The following ENOX2 variants were observed in gnomAD, a reference collection of about 807,000 sequenced individuals.
The protein encoded by ENOX2 is APK1 antigen.
ENOX2 carries 36 observed loss-of-function variants against 45.0 expected under a neutral mutation model. The observed-to-expected ratio is 0.80, with a 90% CI of 0.61 to 1.06. ENOX2 has a LOEUF of 1.06. ENOX2 is among the 50% of genes least tolerant of loss of function. ENOX2 has a pLI of 0.00. For missense variants in ENOX2, 423 were observed against 462.5 expected, an observed-to-expected ratio of 0.91 and a Z score of 0.78; for synonymous variants, 174 against 152.3, an observed-to-expected ratio of 1.14 and a Z score of -1.05.
chrX:130,742,955 T>C (rs1433725252), intron 3 of ENOX2, among the ~76,000 whole-genome samples: 1 of 112,409 alleles, frequency 8.9e-6, no homozygotes, highest in Non-Finnish European at 1.9e-5. Context: ...GAGCTGACTG[T>C]AGCTTTCCTG....
intron 2 of ENOX2, among the ~76,000 whole-genome samples, chrX:130,889,904 G>C (rs2078960469): frequency 8.9e-6 from 1 of 112,883 alleles, no homozygotes; most frequent in Non-Finnish European, 1.9e-5. Context: ...GTCCACCACA[G>C]CCTCACTGGC....
intron 2 of ENOX2, among the ~76,000 whole-genome samples, chrX:130,889,134 C>T (rs1007125372): frequency 1.8e-5 from 2 of 112,113 alleles, no homozygotes; most frequent in Non-Finnish European, 3.8e-5. Flanking sequence ...ACAATTTTAG[C>T]ACATGAAGTC....
At chrX:130,754,827 C>A (rs891358134) in intron 3 of ENOX2, among the ~76,000 whole-genome samples, 9 of 111,114 alleles carry the variant, frequency 8.1e-5, no homozygotes, top group African/African-American at 2.9e-4. Flanking sequence ...TCATTAGAGG[C>A]CCAAACCTCT....
In ENOX2 at chrX:130,679,660, G is replaced by T. The variant is rs1342583626; in HGVS notation, c.342C>A (p.Ile114=). 3 of 1,208,132 alleles carry T rather than the reference G, an allele frequency of 2.5e-6. No individual in the cohort carries two copies. The highest frequency in any genetic ancestry group is 3.4e-6 in the Non-Finnish European group (3 of 893,590). The change falls in exon 6 of 15, where the codon ATC becomes ATA. Residue 114 remains isoleucine (I), a synonymous_variant. Coordinates refer to ENST00000394363, the MANE Select transcript of ENOX2 (RefSeq NM_006375.4). ...GGLPENGTEQ[I]IVEVFEQCGE... ...CACACTGCTCGAAAACTTCCACAAT[G>T]ATTTGCTCTGTCCCATTTTCAGGCA...
At chrX:130,873,002 T>C (rs915366895) in intron 2 of ENOX2, among the ~76,000 whole-genome samples, 1 of 111,711 alleles carries the variant, frequency 9.0e-6, no homozygotes, top group Non-Finnish European at 1.9e-5. Context: ...ACTTCATGAA[T>C]AAAACACCAA....
At chrX:130,631,943 T>C (rs1202824095) in intron 12 of ENOX2, among the ~76,000 whole-genome samples, 2 of 110,090 alleles carry the variant, frequency 1.8e-5, no homozygotes, top group African/African-American at 6.6e-5. Context: ...ATGAGGAAAG[T>C]GAGGCTCAGG....
chrX:130,801,888 T>C (rs1049962334), intron 2 of ENOX2, among the ~76,000 whole-genome samples: 4 of 111,971 alleles, frequency 3.6e-5, no homozygotes, highest in African/African-American at 1.3e-4. Flanking sequence ...ATGTCTACTT[T>C]GAGGCAAGCA....
chrX:130,731,923 T>C (rs1026040404), intron 3 of ENOX2, among the ~76,000 whole-genome samples: 1 of 111,897 alleles, frequency 8.9e-6, no homozygotes, highest in Non-Finnish European at 1.9e-5. Context: ...CTGAAAGCTT[T>C]TCCTCCTAAG....
At chrX:130,627,859 G>A in intron 14 of ENOX2, 99 bp downstream of exon 14, 1 of 569,674 alleles carries the variant, frequency 1.8e-6, no homozygotes, top group Non-Finnish European at 3.1e-6. Context: ...CTTCCTGAAA[G>A]CAGTAACTAA....
At chrX:130,672,777 A>G (rs893281271) in intron 6 of ENOX2, among the ~76,000 whole-genome samples, 1 of 111,636 alleles carries the variant, frequency 9.0e-6, no homozygotes. Flanking sequence ...TAAGAAGTGG[A>G]GCTGATGTGG....
intron 2 of ENOX2, among the ~76,000 whole-genome samples, chrX:130,843,259 C>T (rs2078044989): frequency 1.8e-5 from 2 of 111,228 alleles, no homozygotes; most frequent in Non-Finnish European, 3.8e-5. Flanking sequence ...TCCCTCTCTC[C>T]CATTCTCCAT....
At chrX:130,667,394 G>T (rs1284071160) in intron 8 of ENOX2, 136 bp downstream of exon 8, 18 of 529,190 alleles carry the variant, frequency 3.4e-5, no homozygotes, top group Non-Finnish European at 5.5e-5. Flanking sequence ...ACAATATAAG[G>T]AGAGCACAAG....
At chrX:130,832,414 C>A (rs1004451348) in intron 2 of ENOX2, among the ~76,000 whole-genome samples, 6 of 93,189 alleles carry the variant, frequency 6.4e-5, no homozygotes, top group Non-Finnish European at 1.2e-4. Flanking sequence ...TATAGATATT[C>A]CCTTACACAC....
chrX:130,795,750 A>C (rs776759282), intron 2 of ENOX2, among the ~76,000 whole-genome samples: 1 of 111,981 alleles, frequency 8.9e-6, no homozygotes, highest in South Asian at 3.8e-4. Flanking sequence ...AAATTCCTCA[A>C]ACATGCTAAG....
chrX:130,634,164 G>A (rs2035864379), intron 12 of ENOX2, among the ~76,000 whole-genome samples: 1 of 111,980 alleles, frequency 8.9e-6, no homozygotes. Context: ...TGCTCTTGAG[G>A]AACTGTATCA....
At position 130,630,968 on chromosome X, in the gene ENOX2, C is replaced by CAAAG. The variant is rs140163366; in HGVS notation, c.1528+499_1528+500insCTTT. ...CGTATCTGGTGTCTGGAGGTTAAAACAAACAAACAAACAAACAAACAAACA... is the reference window on the plus strand; with the variant it reads ...CGTATCTGGTGTCTGGAGGTTAAAACAAAGAAACAAACAAACAAACAAACAAACA... On this transcript the variant is annotated intron_variant, in intron 13 of 14. Coordinates refer to ENST00000394363, the MANE Select transcript of ENOX2 (RefSeq NM_006375.4). 1.4e-4 allele frequency among the ~76,000 whole-genome samples: 12 copies of CAAAG among 84,049 alleles called. No homozygotes were observed. The East Asian group carries it at 5.6e-3, about 39-fold the overall frequency. The allele number at this position is 84,049 out of a possible 115,157, so 73.0% of individuals were successfully genotyped here.
intron 2 of ENOX2, among the ~76,000 whole-genome samples, chrX:130,896,803 T>TTC (rs2079063813): frequency 8.9e-6 from 1 of 112,148 alleles, no homozygotes; most frequent in African/African-American, 3.2e-5. Context: ...GCACAATGGG[T>TTC]ATTATCTGTA....
chrX:130,875,677 G>A (rs1288997420), intron 2 of ENOX2, among the ~76,000 whole-genome samples: 1 of 111,625 alleles, frequency 9.0e-6, no homozygotes, highest in Non-Finnish European at 1.9e-5. Context: ...AGGCCTATAT[G>A]TAAGAGCTAA....
intron 2 of ENOX2, among the ~76,000 whole-genome samples, chrX:130,849,812 A>T (rs1190943887): frequency 1.8e-5 from 2 of 111,804 alleles, no homozygotes; most frequent in South Asian, 7.5e-4. Flanking sequence ...ACTTTTTTTT[A>T]GCAGCCAACC....
Sources: allele counts gnomAD v4.1 joint callset (sites outside exome capture counted in the v4.1 genomes callset), GRCh38; gene constraint gnomAD v4.1.1; transcripts MANE v1.5; gene names NCBI Gene and HGNC (gene_info 2026-07-23, HGNC 2026-07-21).